The following ADGRE5 variants were observed in gnomAD, a reference collection of about 807,000 sequenced individuals.
ADGRE5 encodes adhesion G protein-coupled receptor E5, also known as CD97 molecule.
In ADGRE5, 72 loss-of-function variants were observed where a neutral mutation model predicts 100.3. That is an observed-to-expected ratio of 0.72 (90% confidence interval 0.59 to 0.87). The LOEUF is 0.87. ADGRE5 is among the 40% of genes least tolerant of loss of function. ADGRE5 has a pLI of 0.00. For missense variants in ADGRE5, 959 were observed against 1,094.7 expected, an observed-to-expected ratio of 0.88 and a Z score of 1.75; for synonymous variants, 439 against 447.8, an observed-to-expected ratio of 0.98 and a Z score of 0.25.
rs1205297820 is a variant in ADGRE5 at position 14,396,418 on chromosome 19, C to G, written c.423C>G (p.Thr141=). ...GTCVNTLGSY[T]CQCLPGFKFI... ...GCGTCAACACCCTTGGCAGCTATAC[C>G]TGCCAGTGCCTGCCTGGCTTCAAGT... The change falls in exon 5 of 20, where the codon ACC becomes ACG. Residue 141 remains threonine (T), a synonymous_variant. Coordinates refer to ENST00000242786, the MANE Select transcript of ADGRE5 (RefSeq NM_078481.4). 5 of 1,614,302 alleles carry G rather than the reference C, an allele frequency of 3.1e-6. No homozygotes were observed. Among genetic ancestry groups the G allele is most frequent in the Non-Finnish European group, 4.2e-6 (5 of 1,180,052 alleles).
chr19:14,408,156 T>C lies in ADGRE5; in HGVS notation c.*35T>C. On this transcript the variant is annotated 3_prime_UTR_variant, in exon 20 of 20. Transcript: ENST00000242786. ...GTTCTGGACGGCCCAGCAGCTCCTG[T>C]GGCCACAGCAGCTTTGTACACGAAG... is the stretch of plus-strand genomic sequence containing the variant. The C allele has an allele frequency of 6.2e-7, 1 of 1,610,116 alleles. No homozygotes were observed. The highest frequency in any genetic ancestry group is 8.5e-7 in the Non-Finnish European group (1 of 1,178,360).
intron 3 of ADGRE5, among the ~76,000 whole-genome samples, chr19:14,389,074 T>C (rs1975465590): frequency 7.0e-6 from 1 of 142,856 alleles, no homozygotes; most frequent in Admixed American, 7.2e-5. Flanking sequence ...AGCCCAAGAG[T>C]TTGAGGCTGC....
intron 11 of ADGRE5, among the ~76,000 whole-genome samples, 176 bp from the exon 12 acceptor site, chr19:14,402,421 C>T (rs1256632225): frequency 2.0e-5 from 3 of 150,002 alleles, no homozygotes; most frequent in Admixed American, 1.3e-4. Context: ...GGCGAAAGAG[C>T]GAAACTCCGT....
chr19:14,399,563 CAAAAAAA>C (rs764605166), intron 9 of ADGRE5, among the ~76,000 whole-genome samples: 4 of 31,826 alleles, frequency 1.3e-4, no homozygotes, highest in Non-Finnish European at 2.7e-4. Flanking sequence ...GACTCCGTCT[CAAAAAAA>C]AAAAAAAAAA....
intron 3 of ADGRE5, among the ~76,000 whole-genome samples, chr19:14,390,611 A>G (rs1975567737): frequency 6.6e-6 from 1 of 152,106 alleles, no homozygotes; most frequent in South Asian, 2.1e-4. Flanking sequence ...GGCGTGAGCC[A>G]CTGCACCCGG....
intron 19 of ADGRE5, 29 bp from the exon 20 acceptor site, chr19:14,408,063 G>A: frequency 6.2e-7 from 1 of 1,614,114 alleles, no homozygotes; most frequent in Non-Finnish European, 8.5e-7. Context: ...GGGCTAGCGG[G>A]GCTCAGGCCT....
rs1976392548 is a variant in ADGRE5, at chr19:14,408,606, C to T, written c.*485C>T. On this transcript the variant is annotated 3_prime_UTR_variant, in exon 20 of 20. Transcript: ENST00000242786. ...GAGGCTCACGGTACAGAGGCCTGCCCTGCCTGGCCGGGCAGGAGGTTCTCA... is the reference window on the plus strand; with the variant it reads ...GAGGCTCACGGTACAGAGGCCTGCCTTGCCTGGCCGGGCAGGAGGTTCTCA... 4.6e-6 allele frequency: 2 copies of T among 439,098 alleles called. No homozygotes were observed. The highest frequency in any genetic ancestry group is 8.1e-6 in the Non-Finnish European group (2 of 248,360). The allele number at this position is 439,098 out of a possible 1,614,324, so 27.2% of individuals were successfully genotyped here.
chr19:14,383,770 T>G (rs945738535), intron 1 of ADGRE5, among the ~76,000 whole-genome samples: 1 of 151,610 alleles, frequency 6.6e-6, no homozygotes, highest in Non-Finnish European at 1.5e-5. Flanking sequence ...TGGAGGCAGC[T>G]GGGCCCTGTA....
In ADGRE5 at chr19:14,406,668, G is replaced by C; in HGVS notation, c.2049-32G>C. ...CTCCGTTCCGCTCCTGGCTTCCTGG[G>C]GCACTGATGGGACCCCTCCCTTCCC... On this transcript the variant is annotated intron_variant, in intron 15 of 19. Coordinates refer to ENST00000242786, the MANE Select transcript of ADGRE5 (RefSeq NM_078481.4). This position sits in a 1 kb window ranked among gnomAD's most constrained non-coding sequence, Gnocchi z 6.0. 6.2e-7 allele frequency: 1 copy of C among 1,612,582 alleles called. No homozygotes were observed. Among genetic ancestry groups the C allele is most frequent in the Non-Finnish European group, 8.5e-7 (1 of 1,178,618 alleles).
chr19:14,397,572 C>T lies in ADGRE5; in HGVS notation c.626-86C>T, dbSNP rs148721033. Reference sequence around the variant, plus strand: ...ACCACTCCAAGGGGGGCACTAATGCCGGGAGGAATGAGCTGGGGGCACAGA... The same window carrying T: ...ACCACTCCAAGGGGGGCACTAATGCTGGGAGGAATGAGCTGGGGGCACAGA... On this transcript the variant is annotated intron_variant, in intron 6 of 19. Coordinates refer to ENST00000242786, the MANE Select transcript of ADGRE5 (RefSeq NM_078481.4). The T allele has an allele frequency of 3.5e-4, 560 of 1,608,900 alleles. 2 individuals are homozygous for T. In the African/African-American group the frequency reaches 4.2e-3, roughly 12 times the overall value.
intron 1 of ADGRE5, among the ~76,000 whole-genome samples, chr19:14,388,237 A>C (rs1307661780): frequency 6.6e-6 from 1 of 151,812 alleles, no homozygotes; most frequent in Non-Finnish European, 1.5e-5. Flanking sequence ...CAAAAAAAAA[A>C]CAAAAACAAA....
intron 1 of ADGRE5, among the ~76,000 whole-genome samples, chr19:14,385,453 A>C (rs1166418441): frequency 6.6e-6 from 1 of 150,736 alleles, no homozygotes; most frequent in Admixed American, 6.6e-5. Context: ...CTTTGTCTCT[A>C]TCTCTCTGGT....
Position 14,397,669 on chromosome 19 carries a change from T to C in ADGRE5, c.637T>C (p.Cys213Arg). 1 of 1,562,744 alleles carries C rather than the reference T, an allele frequency of 6.4e-7. No individual in the cohort carries two copies. Among genetic ancestry groups the C allele is most frequent in the South Asian group, 1.1e-5 (1 of 88,910 alleles). ...NNTVCEDVDE[C>R]SSGQHQCDSS... ...CTTCCTGTCCTCAGATGTGGACGAG[T>C]GCAGCTCCGGGCAGCATCAGTGTGA... The change falls in exon 7 of 20, where the codon TGC becomes CGC. Residue 213 changes from cysteine to arginine, a missense_variant. Transcript: ENST00000242786.
chr19:14,394,705 T>C (rs1975713876), intron 4 of ADGRE5, among the ~76,000 whole-genome samples: 1 of 152,062 alleles, frequency 6.6e-6, no homozygotes, highest in African/African-American at 2.4e-5. Context: ...GGGGCTCCCA[T>C]GAGCTCAGCC....
chr19:14,390,794 C>T lies in ADGRE5; in HGVS notation c.191-130C>T, dbSNP rs1006245678. ...TGCTCCAGCTGCAGCATAGCCTGTGCAGTGCAACTTAAGATTTTTTCCAAA... is the reference window on the plus strand; with the variant it reads ...TGCTCCAGCTGCAGCATAGCCTGTGTAGTGCAACTTAAGATTTTTTCCAAA... On this transcript the variant is annotated intron_variant, in intron 3 of 19. Transcript: ENST00000242786. 14 of 1,049,934 alleles carry T rather than the reference C, an allele frequency of 1.3e-5. 1 individual carries two copies. Among genetic ancestry groups the T allele is most frequent in the South Asian group, 1.2e-4 (8 of 64,930 alleles). 65.0% of individuals were successfully genotyped at this position (1,049,934 alleles called of 1,614,324 possible). A position where few individuals can be genotyped will look rare whatever the true frequency, so the allele number is the denominator to read the frequency against.
intron 13 of ADGRE5, chr19:14,405,391 C>A (rs560644138): frequency 2.4e-5 from 5 of 212,242 alleles, no homozygotes; most frequent in African/African-American, 1.2e-4. Flanking sequence ...GATCTGCCCC[C>A]CCTCAGCCTC....
intron 4 of ADGRE5, among the ~76,000 whole-genome samples, chr19:14,395,939 G>A (rs1158805551): frequency 6.6e-6 from 1 of 152,220 alleles, no homozygotes; most frequent in African/African-American, 2.4e-5. Context: ...AATTTGGCCA[G>A]CGAGCGGCCG....
In ADGRE5 at chr19:14,407,143, A is replaced by C. The variant is rs752204206; in HGVS notation, c.2290A>C (p.Ser764Arg). 1 of 1,613,996 alleles carries C rather than the reference A, an allele frequency of 6.2e-7. No homozygotes were observed. Among genetic ancestry groups the C allele is most frequent in the Non-Finnish European group, 8.5e-7 (1 of 1,179,986 alleles). ...TGGCCTGTTCATCTTCGACGATCGG[A>C]GCTTGGTGCTGACCTATGTGTTTAC... ...VFGLFIFDDR[S>R]LVLTYVFTIL... The change falls in exon 18 of 20, where the codon AGC becomes CGC. Residue 764 changes from serine to arginine, a missense_variant. Physicochemically the swap from Ser to Arg is moderately radical, Grantham distance 110 (BLOSUM62 -1). Around this residue, in one of 6 missense-constraint regions of ADGRE5, gnomAD observed 428 missense variants for 386.2 expected, o/e 1.11. Transcript: ENST00000242786.
In ADGRE5 at chr19:14,401,688, A is replaced by T; in HGVS notation, c.1111A>T (p.Asn371Tyr). ...GATGATCCAGGAGCGGGGGGACAAG[A>T]ACGTCACTATGGGTCAGAGCAGCGC... ...TLMIQERGDK[N>Y]VTMGQSSARM... Residue 371 changes from asparagine (N) to tyrosine (Y), a missense_variant, in exon 11 of 20, where the codon AAC becomes TAC. Physicochemically the swap from Asn to Tyr is moderately radical, Grantham distance 143. Transcript: ENST00000242786. This position sits in a 1 kb window ranked among gnomAD's most constrained non-coding sequence, Gnocchi z 4.1. 6.3e-7 allele frequency: 1 copy of T among 1,592,566 alleles called. No homozygotes were observed. Among genetic ancestry groups the T allele is most frequent in the Non-Finnish European group, 8.5e-7 (1 of 1,169,916 alleles).
Sources: gnomAD v4.1 joint callset for allele counts (sites outside exome capture counted in the v4.1 genomes callset) on GRCh38, gnomAD v4.1.1 for gene constraint, gnomAD v4.1.1 regional missense constraint, Gnocchi (gnomAD v3.1) non-coding constraint, MANE v1.5 for transcripts, NCBI Gene and HGNC (gene_info 2026-07-23, HGNC 2026-07-21) for gene names.